Variants in TEKT5 observed in about 807,000 individuals in gnomAD.
TEKT5 encodes the protein tektin 5.
TEKT5 carries 52 observed loss-of-function variants against 48.7 expected under a neutral mutation model. The observed-to-expected ratio is 1.07, with a 90% CI of 0.86 to 1.35. The LOEUF (loss-of-function observed/expected upper bound fraction) is 1.35. Among genes scored for constraint, TEKT5 ranks in the 40% most tolerant of loss-of-function variants. TEKT5 has a pLI of 0.00. For missense variants in TEKT5, 831 were observed against 641.6 expected (o/e 1.30, Z -3.19); for synonymous variants, 318 against 267.6 (o/e 1.19, Z -1.84).
intron 5 of TEKT5, among the ~76,000 whole-genome samples, chr16:10,674,547 G>A (rs1195335822): frequency 7.6e-6 from 1 of 131,590 alleles, no homozygotes; most frequent in Non-Finnish European, 1.5e-5. Flanking sequence ...GAGCCCAGGA[G>A]TTCAAGGCTG....
At position 10,635,804 on chromosome 16, in the gene TEKT5, G is replaced by A. The variant is rs752263208; in HGVS notation, c.1201C>T (p.Arg401Cys). ...AQTRLECRTRRPNMELCRDIP... is the reference protein window; with the variant it reads ...AQTRLECRTRCPNMELCRDIP... ...TCCCTGCACAGCTCCATGTTGGGGC[G>A]CCGGGTCCGGCACTCCAGCCTTGTC... is the stretch of plus-strand genomic sequence containing the variant. The change falls in exon 6 of 7, where the codon CGC becomes TGC. Residue 401 changes from arginine (R) to cysteine (C), a missense_variant. By Grantham distance (180) the Arg-to-Cys change is radical. Transcript: ENST00000283025. 1.3e-5 allele frequency: 21 copies of A among 1,613,988 alleles called. No individual in the cohort carries two copies. The highest frequency in any genetic ancestry group is 1.6e-4 in the Middle Eastern group (1 of 6,084).
At chr16:10,691,631 G>A (rs1321075913) in intron 1 of TEKT5, among the ~76,000 whole-genome samples, 2 of 152,070 alleles carry the variant, frequency 1.3e-5, no homozygotes, top group African/African-American at 4.8e-5. Flanking sequence ...GGGGAGGGGT[G>A]GAGGAATTCC....
intron 6 of TEKT5, among the ~76,000 whole-genome samples, chr16:10,630,376 C>CA (rs895400607): frequency 5.9e-5 from 9 of 152,116 alleles, no homozygotes; most frequent in Admixed American, 3.3e-4. Context: ...GCTGAGGCTA[C>CA]AGGCAGGCAC....
chr16:10,694,334 G>T lies in TEKT5; in HGVS notation c.540C>A (p.Ala180=). Residue 180 remains alanine, a synonymous_variant, in exon 1 of 7, where the codon GCC becomes GCA. Coordinates refer to ENST00000283025, the MANE Select transcript of TEKT5 (RefSeq NM_144674.2). ...CCTGCAATGGGCAGTTCACCTCATT[G>T]GCCGCGCACTCCAGCCGCCTCTTGA... ...ETVKRRLECA[A]NEVNCPLQVA... 1.9e-6 allele frequency: 3 copies of T among 1,605,686 alleles called. No individual in the cohort carries two copies. Among genetic ancestry groups the T allele is most frequent in the Non-Finnish European group, 2.6e-6 (3 of 1,175,544 alleles).
intron 5 of TEKT5, among the ~76,000 whole-genome samples, chr16:10,668,876 G>T (rs1898506075): frequency 6.6e-6 from 1 of 152,140 alleles, no homozygotes; most frequent in African/African-American, 2.4e-5. Flanking sequence ...TGCAAATGAG[G>T]GAAGCGTGCT....
intron 6 of TEKT5, among the ~76,000 whole-genome samples, chr16:10,632,659 T>A (rs79037413): frequency 6.6e-6 from 1 of 151,826 alleles, no homozygotes; most frequent in Admixed American, 6.6e-5. Context: ...ACCCTAGTGA[T>A]TGGAGTAGGT....
At chr16:10,644,591 A>G (rs2142267545) in intron 5 of TEKT5, among the ~76,000 whole-genome samples, 1 of 152,046 alleles carries the variant, frequency 6.6e-6, no homozygotes, top group East Asian at 1.9e-4. Flanking sequence ...TTCTTCCTGG[A>G]TCTATTTGTC....
At chr16:10,632,869 GACACACACACACACACAC>G (rs35503579) in intron 6 of TEKT5, among the ~76,000 whole-genome samples, 1,602 of 131,726 alleles carry the variant, frequency 0.012, 21 homozygotes, top group South Asian at 0.019. Flanking sequence ...CACAGATGCA[GACACACACACACACACAC>G]ACACACACAC....
intron 5 of TEKT5, among the ~76,000 whole-genome samples, chr16:10,665,429 G>A (rs1898441235): frequency 6.6e-6 from 1 of 152,186 alleles, no homozygotes; most frequent in Non-Finnish European, 1.5e-5. Context: ...CCTGAGCATA[G>A]GTGGTGTTCA....
chr16:10,686,596 G>C (rs1172584141), intron 3 of TEKT5, among the ~76,000 whole-genome samples: 1 of 152,100 alleles, frequency 6.6e-6, no homozygotes, highest in Non-Finnish European at 1.5e-5. Context: ...AGCAAAAATA[G>C]ACAAATGAGA....
At chr16:10,638,580 A>C (rs766369674) in intron 5 of TEKT5, among the ~76,000 whole-genome samples, 11 of 152,134 alleles carry the variant, frequency 7.2e-5, no homozygotes, top group Non-Finnish European at 1.5e-4. Flanking sequence ...GTTCGATTTC[A>C]TTTGCCCAGA....
In TEKT5 at chr16:10,692,062, T is replaced by C. The variant is rs73513847; in HGVS notation, c.565-2037A>G. On this transcript the variant is annotated intron_variant, in intron 1 of 6. Coordinates refer to ENST00000283025, the MANE Select transcript of TEKT5 (RefSeq NM_144674.2). ...GAATTGGGAGACCAGGTGGCTTACATTGCGCAGGGAGAGGCTGCCTGGATT... is the reference window on the plus strand; with the variant it reads ...GAATTGGGAGACCAGGTGGCTTACACTGCGCAGGGAGAGGCTGCCTGGATT... Among the ~76,000 whole-genome samples, 85 of 152,046 alleles carry C rather than the reference T, an allele frequency of 5.6e-4. 3 individuals are homozygous for C. Among genetic ancestry groups the C allele is most frequent in the African/African-American group, 1.6e-3 (67 of 41,462 alleles).
intron 6 of TEKT5, among the ~76,000 whole-genome samples, chr16:10,631,037 G>A (rs574163115): frequency 7.3e-5 from 11 of 149,894 alleles, no homozygotes; most frequent in Admixed American, 3.4e-4. Context: ...GTGAAACGCA[G>A]TCCCTACTAA....
At chr16:10,636,330 G>A (rs1453509797) in intron 5 of TEKT5, among the ~76,000 whole-genome samples, 1 of 151,572 alleles carries the variant, frequency 6.6e-6, no homozygotes, top group African/African-American at 2.4e-5. Context: ...AGCTGAGATT[G>A]TGCCACCGCA....
intron 6 of TEKT5, among the ~76,000 whole-genome samples, chr16:10,630,405 A>T (rs1009197236): frequency 2.0e-5 from 3 of 149,450 alleles, no homozygotes; most frequent in Non-Finnish European, 3.0e-5. Context: ...CTGGCTAATT[A>T]AAAAAAAAAG....
chr16:10,682,539 G>A (rs1363508643), intron 3 of TEKT5, among the ~76,000 whole-genome samples: 1 of 152,192 alleles, frequency 6.6e-6, no homozygotes, highest in Non-Finnish European at 1.5e-5. Flanking sequence ...TGTTGCGCAG[G>A]CTGGTCTTGA....
At chr16:10,689,356 T>TCTTA (rs765453390) in intron 2 of TEKT5, 33 bp from the exon 3 acceptor site, 1 of 1,562,876 alleles carries the variant, frequency 6.4e-7, no homozygotes, top group Non-Finnish European at 8.8e-7. Flanking sequence ...GAGCAGTGCC[T>TCTTA]CTTAGAACCT....
chr16:10,639,692 C>T (rs1427162738), intron 5 of TEKT5, among the ~76,000 whole-genome samples: 1 of 152,182 alleles, frequency 6.6e-6, no homozygotes, highest in Non-Finnish European at 1.5e-5. Context: ...TCCAAGAAGC[C>T]TCATCCCATC....
intron 5 of TEKT5, among the ~76,000 whole-genome samples, chr16:10,637,140 C>T (rs1375724859): frequency 6.8e-6 from 1 of 147,726 alleles, no homozygotes; most frequent in East Asian, 2.0e-4. Context: ...TGCCACCATG[C>T]CTGGCTAATT....
Sources: allele counts gnomAD v4.1 joint callset (sites outside exome capture counted in the v4.1 genomes callset), GRCh38; gene constraint gnomAD v4.1.1; transcripts MANE v1.5; gene names NCBI Gene and HGNC (gene_info 2026-07-23, HGNC 2026-07-21).